DSCAM: variants seen among roughly 807,000 people sequenced by gnomAD.
DSCAM encodes DS cell adhesion molecule.
In DSCAM, 47 loss-of-function variants were observed where a neutral mutation model predicts 217.7. That is an observed-to-expected ratio of 0.22 (90% CI 0.17 to 0.28). The LOEUF is 0.28. DSCAM is among the 10% of genes least tolerant of loss of function. The pLI, the probability that DSCAM is intolerant of heterozygous loss-of-function variation, is 1.00. For synonymous variants in DSCAM, 1,056 were observed against 1,015.3 expected, an observed-to-expected ratio of 1.04 and a Z score of -0.76; for missense variants, 2,080 against 2,618.3, an observed-to-expected ratio of 0.79 and a Z score of 4.49.
chr21:40,490,180 C>A (rs190776255), intron 3 of DSCAM, among the ~76,000 whole-genome samples: 18 of 152,242 alleles, frequency 1.2e-4, no homozygotes, highest in Middle Eastern at 3.4e-3. Context: ...CCAGGAAAGA[C>A]CCACCCCCAT....
chr21:40,132,664 G>T (rs1048536511), intron 19 of DSCAM, among the ~76,000 whole-genome samples: 2 of 152,240 alleles, frequency 1.3e-5, no homozygotes, highest in Non-Finnish European at 2.9e-5. Context: ...GATGCCTGGG[G>T]CTGCTCGGAG....
intron 20 of DSCAM, among the ~76,000 whole-genome samples, chr21:40,108,481 T>A (rs1437152547): frequency 6.6e-6 from 1 of 152,120 alleles, no homozygotes; most frequent in Non-Finnish European, 1.5e-5. Context: ...AACTACAAAC[T>A]ACTGCTCAAA....
At chr21:40,263,196 G>A (rs1443429194) in intron 11 of DSCAM, among the ~76,000 whole-genome samples, 2 of 152,064 alleles carry the variant, frequency 1.3e-5, no homozygotes, top group Non-Finnish European at 2.9e-5. Context: ...TTTCATTTCT[G>A]GATATAATGA....
chr21:40,161,844 T>G lies in DSCAM; in HGVS notation c.3018+5374A>C, dbSNP rs116132745. On this transcript the variant is annotated intron_variant, in intron 16 of 32. Transcript: ENST00000400454. ...TTTCATAGCCTAAAGATTAAAGTGA[T>G]AGTTGAAGAATTAAGTAAAGTTTAT... Among the ~76,000 whole-genome samples, 751 of 152,324 alleles carry G rather than the reference T, an allele frequency of 4.9e-3. 9 individuals carry two copies. The highest frequency in any genetic ancestry group is 0.016 in the African/African-American group (684 of 41,572).
chr21:40,632,389 A>G (rs1256899639), intron 3 of DSCAM, among the ~76,000 whole-genome samples: 1 of 152,134 alleles, frequency 6.6e-6, no homozygotes, highest in African/African-American at 2.4e-5. Flanking sequence ...GTTGTTTTAT[A>G]TATACATATG....
At chr21:40,265,112 G>T (rs2073506552) in intron 11 of DSCAM, among the ~76,000 whole-genome samples, 1 of 151,578 alleles carries the variant, frequency 6.6e-6, no homozygotes, top group African/African-American at 2.4e-5. Flanking sequence ...AGAACCGCCT[G>T]AACCAGGTGG....
intron 3 of DSCAM, among the ~76,000 whole-genome samples, chr21:40,572,598 G>A (rs1250134029): frequency 3.9e-5 from 6 of 152,086 alleles, no homozygotes; most frequent in Non-Finnish European, 1.5e-5. Flanking sequence ...CATAAATCTC[G>A]ACGGCTATGT....
At chr21:40,533,675 G>C (rs8131947) in intron 3 of DSCAM, among the ~76,000 whole-genome samples, 3 of 123,260 alleles carry the variant, frequency 2.4e-5, no homozygotes, top group Admixed American at 1.7e-4. Context: ...TCATCCATCT[G>C]TCCATCCATC....
rs1385218072 is a variant in DSCAM at position 40,016,549 on chromosome 21, T to C, written c.5687-3163A>G. Among the ~76,000 whole-genome samples, 1 of 152,198 alleles carries C rather than the reference T, an allele frequency of 6.6e-6. No homozygotes were observed. Among genetic ancestry groups the C allele is most frequent in the African/African-American group, 2.4e-5 (1 of 41,456 alleles). On this transcript the variant is annotated intron_variant, in intron 32 of 32. Coordinates refer to ENST00000400454, the MANE Select transcript of DSCAM (RefSeq NM_001389.5). The surrounding 1 kb of genome is among the most constrained non-coding windows in gnomAD (Gnocchi z 4.3). ...AAGTAACTGAACATTCTTGTTTCTT[T>C]TGCTTCAAAATATCCCCTGCTTTCC...
rs374383432 is a variant in DSCAM, at chr21:40,133,836, C to T, written c.3562+18G>A. On this transcript the variant is annotated intron_variant, in intron 19 of 32. Transcript: ENST00000400454. ...CCTTCCAGCAACTGCTGGGACCCACCGCCCACCCGTCTCTCACCATCCTCT... is the reference window on the plus strand; with the variant it reads ...CCTTCCAGCAACTGCTGGGACCCACTGCCCACCCGTCTCTCACCATCCTCT... The T allele has an allele frequency of 2.8e-5, 45 of 1,583,360 alleles. No individual in the cohort carries two copies. The highest frequency in any genetic ancestry group is 2.0e-4 in the East Asian group (9 of 44,020).
intron 3 of DSCAM, among the ~76,000 whole-genome samples, chr21:40,453,038 CTTTGTGTGTG>C (rs1189472462): frequency 2.1e-5 from 2 of 96,194 alleles, no homozygotes; most frequent in South Asian, 4.2e-4. Flanking sequence ...ATTTTAAAGA[CTTTGTGTGTG>C]TGTGTGTGTG....
At chr21:40,360,433 C>T (rs1280243233) in intron 4 of DSCAM, among the ~76,000 whole-genome samples, 4 of 151,898 alleles carry the variant, frequency 2.6e-5, no homozygotes, top group African/African-American at 9.7e-5. Context: ...TGTGCCTGGC[C>T]CTTGATAGGT....
intron 3 of DSCAM, among the ~76,000 whole-genome samples, chr21:40,378,457 T>G (rs192133057): frequency 2.0e-5 from 3 of 152,048 alleles, no homozygotes; most frequent in Middle Eastern, 3.4e-3. Flanking sequence ...TCAATCCCTC[T>G]TGCAACGTCA....
intron 11 of DSCAM, among the ~76,000 whole-genome samples, chr21:40,245,335 T>C (rs542930074): frequency 6.6e-6 from 1 of 152,318 alleles, no homozygotes; most frequent in South Asian, 2.1e-4. Flanking sequence ...CCTGTTATCC[T>C]AACAAGGGCA....
intron 3 of DSCAM, among the ~76,000 whole-genome samples, chr21:40,567,987 G>A (rs1382343539): frequency 6.6e-6 from 1 of 152,028 alleles, no homozygotes; most frequent in Non-Finnish European, 1.5e-5. Flanking sequence ...GCCCAGGCAG[G>A]AGTGCAGTGG....
At chr21:40,399,828 G>A (rs1445554819) in intron 3 of DSCAM, among the ~76,000 whole-genome samples, 3 of 152,312 alleles carry the variant, frequency 2.0e-5, no homozygotes, top group African/African-American at 4.8e-5. Flanking sequence ...CCCTTAAGAG[G>A]TACGTAAAAT....
At chr21:40,218,080 G>A (rs1316234650) in intron 11 of DSCAM, among the ~76,000 whole-genome samples, 1 of 152,074 alleles carries the variant, frequency 6.6e-6, no homozygotes, top group Non-Finnish European at 1.5e-5. Context: ...TGCCATTCCT[G>A]TGTCCAGGAT....
At chr21:40,290,716 C>A (rs944631203) in intron 10 of DSCAM, among the ~76,000 whole-genome samples, 3 of 152,210 alleles carry the variant, frequency 2.0e-5, no homozygotes, top group Admixed American at 2.0e-4. Context: ...GGAAATCAGG[C>A]AGTCTGTGCT....
chr21:40,665,761 C>T (rs1401012218), intron 3 of DSCAM, among the ~76,000 whole-genome samples: 3 of 152,196 alleles, frequency 2.0e-5, no homozygotes, highest in Non-Finnish European at 4.4e-5. Context: ...CATGGCAATG[C>T]CCAATCCATC....
Sources: gnomAD v4.1 joint callset for allele counts (sites outside exome capture counted in the v4.1 genomes callset) on GRCh38, gnomAD v4.1.1 for gene constraint, Gnocchi (gnomAD v3.1) non-coding constraint, MANE v1.5 for transcripts, NCBI Gene and HGNC (gene_info 2026-07-23, HGNC 2026-07-21) for gene names.